The following UBAP1 variants were observed in gnomAD, a reference collection of about 807,000 sequenced individuals.
The protein encoded by UBAP1 is ubiquitin-associated protein 1.
Under a neutral mutation model 39.0 loss-of-function variants are expected in UBAP1, and 5 were observed. The ratio of observed to expected loss-of-function variants is 0.13; its 90% CI spans 0.07 to 0.27. The LOEUF (loss-of-function observed/expected upper bound fraction) is 0.27. Among genes scored for constraint, UBAP1 ranks in the 10% least tolerant of loss-of-function variants. The pLI is 1.00. For synonymous variants in UBAP1, 211 were observed against 225.1 expected (o/e 0.94, Z 0.56); for missense variants, 490 against 608.1 (o/e 0.81, Z 2.04).
intron 3 of UBAP1, among the ~76,000 whole-genome samples, chr9:34,236,903 C>T (rs989557478): frequency 6.6e-6 from 1 of 152,010 alleles, no homozygotes; most frequent in African/African-American, 2.4e-5. Context: ...AGCTCATCAC[C>T]TCCTCCATGT....
At chr9:34,226,133 G>GTGTGTGTT (rs762232045) in intron 2 of UBAP1, among the ~76,000 whole-genome samples, 16,171 of 142,988 alleles carry the variant, frequency 0.11, 1,208 homozygotes, top group East Asian at 0.2. Context: ...GTGTGTGTGT[G>GTGTGTGTT]TGTGTGTGTG....
chr9:34,214,545 G>A (rs577486604), intron 1 of UBAP1, among the ~76,000 whole-genome samples: 134 of 152,210 alleles, frequency 8.8e-4, no homozygotes, highest in African/African-American at 3.0e-3. Context: ...ATTCTAGAAG[G>A]TATCATTGGA....
intron 3 of UBAP1, among the ~76,000 whole-genome samples, chr9:34,240,942 A>C (rs1833923214): frequency 6.6e-6 from 1 of 152,234 alleles, no homozygotes; most frequent in Admixed American, 6.5e-5. Context: ...TAGATAATAG[A>C]GATCCAAGGA....
At chr9:34,196,713 G>A (rs1265584645) in intron 1 of UBAP1, among the ~76,000 whole-genome samples, 2 of 151,880 alleles carry the variant, frequency 1.3e-5, no homozygotes, top group Non-Finnish European at 2.9e-5. Context: ...CCAAAGCACC[G>A]GGATTACAAG....
chr9:34,194,234 G>A (rs977046713), intron 1 of UBAP1, among the ~76,000 whole-genome samples: 1 of 151,890 alleles, frequency 6.6e-6, no homozygotes, highest in African/African-American at 2.4e-5. Context: ...CATTTTGAGG[G>A]CTAAAAAATT....
At chr9:34,233,886 G>A (rs1458209594) in intron 2 of UBAP1, among the ~76,000 whole-genome samples, 2 of 152,114 alleles carry the variant, frequency 1.3e-5, no homozygotes, top group Admixed American at 1.3e-4. Flanking sequence ...GATTAAGCCT[G>A]TCATCTTTAA....
intron 1 of UBAP1, among the ~76,000 whole-genome samples, chr9:34,214,376 A>G (rs1832183857): frequency 6.6e-6 from 1 of 152,232 alleles, no homozygotes; most frequent in Non-Finnish European, 1.5e-5. Context: ...AAATACTTAC[A>G]GCCAATTGAT....
intron 1 of UBAP1, among the ~76,000 whole-genome samples, chr9:34,190,894 TG>T (rs1312107913): frequency 4.7e-5 from 7 of 150,330 alleles, no homozygotes; most frequent in Non-Finnish European, 1.0e-4. Context: ...GTGATCCACC[TG>T]CCTCGGCCTC....
At chr9:34,248,006 T>A (rs1057397074) in intron 4 of UBAP1, among the ~76,000 whole-genome samples, 7 of 152,082 alleles carry the variant, frequency 4.6e-5, no homozygotes, top group Non-Finnish European at 1.0e-4. Context: ...CAGTAGGGTA[T>A]GTGAGAGTAC....
intron 2 of UBAP1, among the ~76,000 whole-genome samples, chr9:34,223,282 T>G (rs1355704497): frequency 6.6e-6 from 1 of 151,786 alleles, no homozygotes; most frequent in African/African-American, 2.4e-5. Flanking sequence ...AATACAAAAT[T>G]AGCCGGGTGT....
At chr9:34,207,118 C>T (rs147228815) in intron 1 of UBAP1, among the ~76,000 whole-genome samples, 1,515 of 127,936 alleles carry the variant, frequency 0.012, 31 homozygotes, top group African/African-American at 0.042. Flanking sequence ...ATGGTGTGAG[C>T]TCAGCTCACT....
rs187850075 is a variant in UBAP1 at position 34,212,582 on chromosome 9, T to C, written c.-7-8326T>C. Among the ~76,000 whole-genome samples the C allele has an allele frequency of 1.2e-4, 19 of 152,264 alleles. No individual in the cohort carries two copies. In the East Asian group the frequency reaches 2.9e-3, roughly 23 times the overall value. ...CCATTATTTAATCATTTTTCCATAA[T>C]TGAGTATTTAGATAATAGGAGAGTA... On this transcript the variant is annotated intron_variant, in intron 1 of 6. Coordinates refer to ENST00000297661, the MANE Select transcript of UBAP1 (RefSeq NM_016525.5).
At chr9:34,212,807 A>T (rs1179695502) in intron 1 of UBAP1, among the ~76,000 whole-genome samples, 1 of 152,208 alleles carries the variant, frequency 6.6e-6, no homozygotes, top group Non-Finnish European at 1.5e-5. Context: ...AATCCTTCTG[A>T]CACTATTCCA....
Position 34,241,997 on chromosome 9 carries a change from G to A in UBAP1, c.972G>A (p.Leu324=), listed in dbSNP as rs1379360991. The change falls in exon 4 of 7, where the codon TTG becomes TTA. Residue 324 remains leucine (L), a synonymous_variant. Coordinates refer to ENST00000297661, the MANE Select transcript of UBAP1 (RefSeq NM_016525.5). ...ATCACACTCTTGGGCTTTCAGCTTTGAACTTGGACAGTGGCACAGAGATGC... is the reference window on the plus strand; with the variant it reads ...ATCACACTCTTGGGCTTTCAGCTTTAAACTTGGACAGTGGCACAGAGATGC... The part of the protein sequence containing the change: ...NGHHTLGLSA[L]NLDSGTEMPA... 3.1e-6 allele frequency: 5 copies of A among 1,614,150 alleles called. No homozygotes were observed. In the South Asian group the frequency reaches 5.5e-5, roughly 18 times the overall value.
chr9:34,195,404 T>G (rs1324933104), intron 1 of UBAP1, among the ~76,000 whole-genome samples: 1 of 152,148 alleles, frequency 6.6e-6, no homozygotes, highest in African/African-American at 2.4e-5. Flanking sequence ...TTTTAGCACT[T>G]TTTGTTGAAA....
intron 1 of UBAP1, among the ~76,000 whole-genome samples, chr9:34,205,106 T>A (rs900052705): frequency 6.6e-6 from 1 of 152,086 alleles, no homozygotes; most frequent in Non-Finnish European, 1.5e-5. Context: ...AGCTTCGACC[T>A]CCCCAGGCTC....
chr9:34,181,294 T>C (rs1472960439), intron 1 of UBAP1, among the ~76,000 whole-genome samples: 7 of 150,902 alleles, frequency 4.6e-5, no homozygotes, highest in Non-Finnish European at 1.0e-4. Flanking sequence ...TAAAATATTT[T>C]TTTAGTAGAG....
At chr9:34,228,703 G>A (rs577557205) in intron 2 of UBAP1, among the ~76,000 whole-genome samples, 2 of 150,804 alleles carry the variant, frequency 1.3e-5, no homozygotes, top group Non-Finnish European at 2.9e-5. Flanking sequence ...CCGAGTAGCT[G>A]GGATTACAGG....
intron 1 of UBAP1, among the ~76,000 whole-genome samples, chr9:34,181,893 CAG>C (rs963821011): frequency 6.7e-6 from 1 of 150,274 alleles, no homozygotes; most frequent in Non-Finnish European, 1.5e-5. Flanking sequence ...ATTTTGAAGA[CAG>C]AGTATTCTGA....
Sources: allele counts gnomAD v4.1 joint callset (sites outside exome capture counted in the v4.1 genomes callset), GRCh38; gene constraint gnomAD v4.1.1; transcripts MANE v1.5; gene names NCBI Gene and HGNC (gene_info 2026-07-23, HGNC 2026-07-21).